Variants in CHN2 observed in about 807,000 individuals in gnomAD.
CHN2 encodes the protein chimerin 2.
In CHN2, 35 loss-of-function variants were observed where a neutral mutation model predicts 56.3. The ratio of observed to expected loss-of-function variants is 0.62; its 90% CI spans 0.47 to 0.82. The LOEUF is 0.82. Among genes scored for constraint, CHN2 ranks in the 40% least tolerant of loss-of-function variants. The probability of loss-of-function intolerance (pLI) is 0.00; values close to 1 mark genes in which losing one functional copy is unlikely to be tolerated. For synonymous variants in CHN2, 210 were observed against 212.8 expected, an observed-to-expected ratio of 0.99 and a Z score of 0.12; for missense variants, 491 against 580.5, an observed-to-expected ratio of 0.85 and a Z score of 1.58.
At position 29,250,949 on chromosome 7, in the gene CHN2, A is replaced by G. The variant is rs368122378; in HGVS notation, c.49+55959A>G. 3.9e-4 allele frequency among the ~76,000 whole-genome samples: 60 copies of G among 152,208 alleles called. 2 individuals are homozygous for G. In the East Asian group the frequency reaches 6.2e-3, roughly 16 times the overall value. ...GGTCTCGAACTCCTGACTTCAGGTG[A>G]TCCACCCGCCTCAGCCTCCCAAAGT... On this transcript the variant is annotated intron_variant, in intron 1 of 12. Coordinates refer to ENST00000222792, the MANE Select transcript of CHN2 (RefSeq NM_004067.4).
chr7:29,508,968 C>T (rs1413813126), intron 11 of CHN2, among the ~76,000 whole-genome samples: 1 of 152,070 alleles, frequency 6.6e-6, no homozygotes, highest in Non-Finnish European at 1.5e-5. Context: ...ATATTTCTAG[C>T]AAATCTAGTG....
chr7:29,164,779 C>CAAAAAAAAAAA, intron 2 of CHN2, among the ~76,000 whole-genome samples: 1 of 85,880 alleles, frequency 1.2e-5, no homozygotes, highest in African/African-American at 4.3e-5. Flanking sequence ...AGACCTGTCT[C>CAAAAAAAAAAA]AAAAAAAAAA....
chr7:29,204,204 A>G (rs1453774881), intron 1 of CHN2, among the ~76,000 whole-genome samples: 3 of 151,458 alleles, frequency 2.0e-5, no homozygotes, highest in African/African-American at 7.3e-5. Flanking sequence ...ACATATCTGT[A>G]TTTCTGTATG....
At chr7:29,486,162 G>A (rs1216608467) in intron 7 of CHN2, among the ~76,000 whole-genome samples, 1 of 152,176 alleles carries the variant, frequency 6.6e-6, no homozygotes, top group Non-Finnish European at 1.5e-5. Flanking sequence ...GGTGGGGAGA[G>A]AGGGTTCGTG....
At chr7:29,395,053 A>G (rs930142982) in intron 4 of CHN2, among the ~76,000 whole-genome samples, 2 of 152,204 alleles carry the variant, frequency 1.3e-5, no homozygotes, top group Non-Finnish European at 2.9e-5. Flanking sequence ...CTTAAAAAGT[A>G]ATACATGCTT....
chr7:29,253,029 TAA>T (rs1454233553), intron 1 of CHN2, among the ~76,000 whole-genome samples: 3 of 152,094 alleles, frequency 2.0e-5, no homozygotes, highest in African/African-American at 7.2e-5. Context: ...GGGAAAGATA[TAA>T]GTCGATTCTT....
At chr7:29,331,830 G>A (rs1270254433) in intron 1 of CHN2, among the ~76,000 whole-genome samples, 1 of 152,098 alleles carries the variant, frequency 6.6e-6, no homozygotes, top group Non-Finnish European at 1.5e-5. Context: ...GGGAGGCCGA[G>A]GTGGGTGGAT....
intron 1 of CHN2, among the ~76,000 whole-genome samples, chr7:29,243,708 A>G (rs1008897629): frequency 2.0e-5 from 3 of 152,244 alleles, no homozygotes; most frequent in African/African-American, 7.2e-5. Context: ...GAAGAGACAG[A>G]CAAGGAGAGT....
rs1793654440 is a variant in CHN2 at position 29,301,436 on chromosome 7, C to T, written c.50-53189C>T. ...TCTAAGTGCAGCACCAGGTAGACTG[C>T]TTTGCCCTAAAAGAGGATCCCAGAT... On this transcript the variant is annotated intron_variant, in intron 1 of 12. Transcript: ENST00000222792. Among the ~76,000 whole-genome samples, 6 of 151,434 alleles carry T rather than the reference C, an allele frequency of 4.0e-5. No homozygotes were observed. In the South Asian group the frequency reaches 1.3e-3, roughly 32 times the overall value.
At chr7:29,276,262 A>G (rs1258057588) in intron 1 of CHN2, among the ~76,000 whole-genome samples, 1 of 152,160 alleles carries the variant, frequency 6.6e-6, no homozygotes, top group Non-Finnish European at 1.5e-5. Context: ...AGAATGTAGA[A>G]AAGAGGTGTA....
At chr7:29,395,809 T>C (rs1403266708) in intron 4 of CHN2, among the ~76,000 whole-genome samples, 4 of 152,250 alleles carry the variant, frequency 2.6e-5, no homozygotes, top group Admixed American at 1.3e-4. Context: ...TTTGAATGAT[T>C]GAATTTAATT....
In CHN2 at chr7:29,441,647, A is replaced by C. The variant is rs74817835; in HGVS notation, c.577-38632A>C. On this transcript the variant is annotated intron_variant, in intron 6 of 12. Coordinates refer to ENST00000222792, the MANE Select transcript of CHN2 (RefSeq NM_004067.4). Reference sequence around the variant, plus strand: ...CTTCAATCGATATTTTTCCAAAGAAAATACACAAATGGCCAATAAGCACAT... The same window carrying C: ...CTTCAATCGATATTTTTCCAAAGAACATACACAAATGGCCAATAAGCACAT... Among the ~76,000 whole-genome samples the C allele has an allele frequency of 7.1e-3, 1,083 of 152,352 alleles. 14 individuals carry two copies. Among genetic ancestry groups the C allele is most frequent in the African/African-American group, 0.022 (921 of 41,592 alleles).
intron 1 of CHN2, among the ~76,000 whole-genome samples, chr7:29,310,840 CA>C (rs1794543552): frequency 6.6e-6 from 1 of 152,136 alleles, no homozygotes; most frequent in Non-Finnish European, 1.5e-5. Context: ...AATCATCTCC[CA>C]AAAGCCCCTC....
chr7:29,480,454 A>G (rs1787070505), intron 7 of CHN2, 98 bp downstream of exon 7: 4 of 1,256,286 alleles, frequency 3.2e-6, no homozygotes, highest in Non-Finnish European at 4.6e-6. Flanking sequence ...AAGTCAAGAG[A>G]CAATGAATTC....
Position 29,372,961 on chromosome 7 carries a change from A to G in CHN2, c.144+4974A>G, listed in dbSNP as rs557094303. Among the ~76,000 whole-genome samples, 16 of 152,366 alleles carry G rather than the reference A, an allele frequency of 1.1e-4. No individual in the cohort carries two copies. The South Asian group carries it at 3.3e-3, about 32-fold the overall frequency. On this transcript the variant is annotated intron_variant, in intron 3 of 12. Coordinates refer to ENST00000222792, the MANE Select transcript of CHN2 (RefSeq NM_004067.4). ...CGCTATAGTGAATATGGGATTATAA[A>G]AAGCAATTTCAAAAAAGGGAAATAC...
intron 6 of CHN2, among the ~76,000 whole-genome samples, chr7:29,408,100 G>A (rs1802828226): frequency 6.6e-6 from 1 of 151,610 alleles, no homozygotes; most frequent in South Asian, 2.1e-4. Flanking sequence ...TGAGACAGGA[G>A]AATCACCCGA....
intron 1 of CHN2, among the ~76,000 whole-genome samples, chr7:29,346,987 C>A (rs1797493862): frequency 1.3e-5 from 2 of 152,138 alleles, no homozygotes; most frequent in Non-Finnish European, 2.9e-5. Context: ...CGCGTATGTT[C>A]CCTGCACTCC....
At chr7:29,482,912 C>T (rs1787479700) in intron 7 of CHN2, among the ~76,000 whole-genome samples, 1 of 146,410 alleles carries the variant, frequency 6.8e-6, no homozygotes, top group South Asian at 2.2e-4. Context: ...AGCTCCGCCT[C>T]CCGGGTTCAT....
chr7:29,402,086 G>A (rs1362513283), intron 6 of CHN2, among the ~76,000 whole-genome samples: 10 of 152,268 alleles, frequency 6.6e-5, no homozygotes, highest in South Asian at 6.2e-4. Context: ...GCCTCCCGTC[G>A]TCCAGTGTCA....
Sources: allele counts gnomAD v4.1 joint callset (sites outside exome capture counted in the v4.1 genomes callset), GRCh38; gene constraint gnomAD v4.1.1; transcripts MANE v1.5; gene names NCBI Gene and HGNC (gene_info 2026-07-23, HGNC 2026-07-21).